The following SIPA1L1 variants were observed in gnomAD, a reference collection of about 807,000 sequenced individuals.
The protein encoded by SIPA1L1 is signal-induced proliferation-associated 1-like protein 1.
In SIPA1L1, 26 loss-of-function variants were observed where a neutral mutation model predicts 162.7. The ratio of observed to expected loss-of-function variants is 0.16; its 90% confidence interval spans 0.12 to 0.22. The LOEUF (loss-of-function observed/expected upper bound fraction) is 0.22. Ranked by LOEUF, SIPA1L1 falls within the 10% of genes least tolerant of loss-of-function variation. SIPA1L1 has a pLI of 1.00. For synonymous variants in SIPA1L1, 829 were observed against 837.4 expected (o/e 0.99, Z 0.17); for missense variants, 1,874 against 2,241.0 (o/e 0.84, Z 3.31).
chr14:71,651,129 C>A (rs529827772), intron 8 of SIPA1L1, among the ~76,000 whole-genome samples: 47 of 152,298 alleles, frequency 3.1e-4, no homozygotes, highest in Middle Eastern at 6.8e-3. Context: ...CATGTCCAGT[C>A]CCCAAGTTGT....
At chr14:71,358,511 C>G (rs2037492122) in intron 2 of SIPA1L1, among the ~76,000 whole-genome samples, 1 of 152,192 alleles carries the variant, frequency 6.6e-6, no homozygotes, top group Non-Finnish European at 1.5e-5. Context: ...TGTCTTTGCT[C>G]AGACACTGCC....
At chr14:71,356,587 A>AAAAAAAAAAAAAAAAAAAAC (rs1555403582) in intron 2 of SIPA1L1, among the ~76,000 whole-genome samples, 1 of 146,808 alleles carries the variant, frequency 6.8e-6, no homozygotes, top group Non-Finnish European at 1.5e-5. Context: ...AAAAAAAAAA[A>AAAAAAAAAAAAAAAAAAAAC]GCACACCTGT....
intron 8 of SIPA1L1, among the ~76,000 whole-genome samples, chr14:71,654,713 T>C (rs917086605): frequency 6.6e-6 from 1 of 152,214 alleles, no homozygotes; most frequent in African/African-American, 2.4e-5. Flanking sequence ...ATATAATGCC[T>C]GAATTTACTT....
Position 71,547,374 on chromosome 14 carries a change from A to G in SIPA1L1, c.-303+18004A>G, listed in dbSNP as rs1279374010. Among the ~76,000 whole-genome samples, 6 of 146,724 alleles carry G rather than the reference A, an allele frequency of 4.1e-5. No homozygotes were observed. The East Asian group carries it at 1.2e-3, about 29-fold the overall frequency. Reference sequence around the variant, plus strand: ...AGTGGCATGATCTCGGCTTACTGCAACCTCCACCTCCCAGGTTCAAGTGAT... The same window carrying G: ...AGTGGCATGATCTCGGCTTACTGCAGCCTCCACCTCCCAGGTTCAAGTGAT... On this transcript the variant is annotated intron_variant, in intron 4 of 23. Coordinates refer to ENST00000381232, the MANE Select transcript of SIPA1L1 (RefSeq NM_001386936.1).
chr14:71,687,168 C>T (rs1397653455), intron 13 of SIPA1L1, among the ~76,000 whole-genome samples: 2 of 152,216 alleles, frequency 1.3e-5, no homozygotes, highest in Non-Finnish European at 2.9e-5. Flanking sequence ...CTTTCTACAA[C>T]TTCTCATTTC....
At chr14:71,704,577 T>A in intron 15 of SIPA1L1, 1 of 628,330 alleles carries the variant, frequency 1.6e-6, no homozygotes, top group Non-Finnish European at 2.9e-6. Context: ...CCAGGATTCT[T>A]GCTATTAGCT....
At chr14:71,424,702 A>G (rs1343511558) in intron 2 of SIPA1L1, among the ~76,000 whole-genome samples, 1 of 152,048 alleles carries the variant, frequency 6.6e-6, no homozygotes, top group Non-Finnish European at 1.5e-5. Context: ...TTGCATCGGT[A>G]TTCATTAGAG....
intron 5 of SIPA1L1, among the ~76,000 whole-genome samples, chr14:71,614,218 CAA>C (rs113098752): frequency 9.2e-5 from 8 of 87,318 alleles, no homozygotes; most frequent in Non-Finnish European, 1.5e-4. Flanking sequence ...ACGCTGTCTC[CAA>C]AAAAAAAAAA....
chr14:71,355,016 T>C (rs1187658585), intron 2 of SIPA1L1, among the ~76,000 whole-genome samples: 3 of 152,222 alleles, frequency 2.0e-5, no homozygotes, highest in African/African-American at 7.2e-5. Context: ...TGCATACTTG[T>C]GCTTTGGCAG....
At chr14:71,398,038 C>T (rs1301083642) in intron 2 of SIPA1L1, among the ~76,000 whole-genome samples, 5 of 93,646 alleles carry the variant, frequency 5.3e-5, no homozygotes, top group African/African-American at 8.7e-5. Flanking sequence ...TTTTTTGAGA[C>T]GGAGTCTCGC....
chr14:71,435,544 A>G (rs1018624432), intron 2 of SIPA1L1, among the ~76,000 whole-genome samples: 9 of 152,148 alleles, frequency 5.9e-5, no homozygotes, highest in Non-Finnish European at 1.3e-4. Context: ...CATGATGTAT[A>G]TGTGCCACAT....
At chr14:71,569,466 A>C (rs1370230781) in intron 4 of SIPA1L1, among the ~76,000 whole-genome samples, 4 of 152,204 alleles carry the variant, frequency 2.6e-5, no homozygotes, top group Non-Finnish European at 5.9e-5. Flanking sequence ...TTTGTTGCTG[A>C]GATTTGTTCC....
rs1272497393 is a variant in SIPA1L1 at position 71,618,740 on chromosome 14, G to C, written c.1499-17G>C. ...TAGGTAGATTTTCTAACTTTGTTTT[G>C]TCTTATTTTACCTAAGAACACTGGA... On this transcript the variant is annotated splice_polypyrimidine_tract_variant and intron_variant, in intron 5 of 23. Coordinates refer to ENST00000381232, the MANE Select transcript of SIPA1L1 (RefSeq NM_001386936.1). The C allele has an allele frequency of 6.2e-7, 1 of 1,607,058 alleles. No individual in the cohort carries two copies. Among genetic ancestry groups the C allele is most frequent in the Non-Finnish European group, 8.5e-7 (1 of 1,176,854 alleles).
chr14:71,365,907 TAAGAGATGGGG>T (rs2038247950), intron 2 of SIPA1L1, among the ~76,000 whole-genome samples: 8 of 140,012 alleles, frequency 5.7e-5, no homozygotes, highest in South Asian at 2.2e-4. Flanking sequence ...TTTTTTTTTT[TAAGAGATGGGG>T]TTTTGCCATC....
intron 1 of SIPA1L1, among the ~76,000 whole-genome samples, chr14:71,320,723 C>A (rs10129431): frequency 0.031 from 4,594 of 150,390 alleles, 258 homozygotes; most frequent in African/African-American, 0.11. Context: ...GGCAACCTCG[C>A]GCCCACCTTG....
chr14:71,630,379 T>C (rs916065193), intron 7 of SIPA1L1, among the ~76,000 whole-genome samples: 1 of 152,190 alleles, frequency 6.6e-6, no homozygotes, highest in Non-Finnish European at 1.5e-5. Flanking sequence ...TCCCTTCCAA[T>C]GAGAAGATTT....
At chr14:71,458,907 T>C (rs2046377475) in intron 2 of SIPA1L1, among the ~76,000 whole-genome samples, 2 of 152,024 alleles carry the variant, frequency 1.3e-5, no homozygotes, top group African/African-American at 2.4e-5. Flanking sequence ...ACCCCGTCTG[T>C]ACTAAAAATA....
At position 71,542,750 on chromosome 14, in the gene SIPA1L1, T is replaced by TC. The variant is rs1269941665; in HGVS notation, c.-303+13380_-303+13381insC. On this transcript the variant is annotated intron_variant, in intron 4 of 23. Coordinates refer to ENST00000381232, the MANE Select transcript of SIPA1L1 (RefSeq NM_001386936.1). ...TCCTCCTCCTTCTTCTCTCTCTCTC[T>TC]TTTTTTTTTTTTTTACGAGATACAG... 3.3e-3 allele frequency among the ~76,000 whole-genome samples: 298 copies of TC among 88,956 alleles called. 1 individual carries two copies. Among genetic ancestry groups the TC allele is most frequent in the South Asian group, 0.012 (34 of 2,730 alleles). The allele number at this position is 88,956 out of a possible 152,430, so 58.4% of individuals were successfully genotyped here. A position where few individuals can be genotyped will look rare whatever the true frequency, so the allele number is the denominator to read the frequency against.
At chr14:71,337,468 C>T (rs1391725154) in intron 2 of SIPA1L1, among the ~76,000 whole-genome samples, 1 of 152,100 alleles carries the variant, frequency 6.6e-6, no homozygotes, top group African/African-American at 2.4e-5. Context: ...ACAATCATGG[C>T]AGAAGGCAGA....
Sources: allele counts gnomAD v4.1 joint callset (sites outside exome capture counted in the v4.1 genomes callset), GRCh38; gene constraint gnomAD v4.1.1; transcripts MANE v1.5; gene names NCBI Gene and HGNC (gene_info 2026-07-23, HGNC 2026-07-21).